Variants in NRG3 observed in about 807,000 individuals in gnomAD.
The protein encoded by NRG3 is pro-neuregulin-3, membrane-bound isoform.
Under a neutral mutation model 66.9 loss-of-function variants are expected in NRG3, and 31 were observed. The ratio of observed to expected loss-of-function variants is 0.46; its 90% CI spans 0.35 to 0.63. NRG3 has a LOEUF of 0.63. Ranked by LOEUF, NRG3 falls within the 20% of genes least tolerant of loss-of-function variation. The pLI, the probability that NRG3 is intolerant of heterozygous loss-of-function variation, is 0.00. For synonymous variants in NRG3, 393 were observed against 359.4 expected (o/e 1.09, Z -1.06); for missense variants, 910 against 878.9 (o/e 1.04, Z -0.45).
chr10:82,434,578 T>A (rs1006153288), intron 2 of NRG3, among the ~76,000 whole-genome samples: 1 of 152,200 alleles, frequency 6.6e-6, no homozygotes, highest in Non-Finnish European at 1.5e-5. Flanking sequence ...ATATTGGCTG[T>A]GGGCTTGTCA....
In NRG3 at chr10:82,930,954, G is replaced by A. The variant is rs75403191; in HGVS notation, c.1055-20515G>A. Among the ~76,000 whole-genome samples the A allele has an allele frequency of 3.2e-3, 494 of 152,254 alleles. 1 individual carries two copies. The highest frequency in any genetic ancestry group is 5.3e-3 in the Non-Finnish European group (362 of 68,036). On this transcript the variant is annotated intron_variant, in intron 4 of 8. Coordinates refer to ENST00000372141, the MANE Select transcript of NRG3 (RefSeq NM_001010848.4). ...GCAGGGAGGCCTTTCCAGGCAGAAGGAACAAAATGTACTGTCATTTGGAAG... is the reference window on the plus strand; with the variant it reads ...GCAGGGAGGCCTTTCCAGGCAGAAGAAACAAAATGTACTGTCATTTGGAAG...
chr10:82,218,732 C>T (rs1214654895), intron 1 of NRG3, among the ~76,000 whole-genome samples: 1 of 152,130 alleles, frequency 6.6e-6, no homozygotes, highest in East Asian at 1.9e-4. Context: ...AGAAAGCCAT[C>T]TCCTAGCTTA....
At chr10:82,039,822 C>T (rs112969180) in intron 1 of NRG3, among the ~76,000 whole-genome samples, 1,972 of 152,226 alleles carry the variant, frequency 0.013, 47 homozygotes, top group African/African-American at 0.045. Context: ...TTCACATGGT[C>T]TCTCCTGACG....
intron 1 of NRG3, among the ~76,000 whole-genome samples, chr10:82,273,844 G>A (rs2078715546): frequency 6.6e-6 from 1 of 151,924 alleles, no homozygotes; most frequent in Non-Finnish European, 1.5e-5. Context: ...GAACTTTGAT[G>A]ATATTCTTTC....
chr10:82,392,073 A>G (rs769442248), intron 2 of NRG3, among the ~76,000 whole-genome samples: 47 of 151,812 alleles, frequency 3.1e-4, no homozygotes, highest in Non-Finnish European at 5.7e-4. Flanking sequence ...TTCCACTCAC[A>G]TTTCAAAGCC....
intron 1 of NRG3, among the ~76,000 whole-genome samples, chr10:82,098,511 T>C (rs571821745): frequency 6.6e-6 from 1 of 152,200 alleles, no homozygotes; most frequent in African/African-American, 2.4e-5. Context: ...CCACATACAA[T>C]CTGTGTTAGA....
At chr10:82,236,237 T>G (rs74146524) in intron 1 of NRG3, among the ~76,000 whole-genome samples, 2,001 of 152,230 alleles carry the variant, frequency 0.013, 43 homozygotes, top group African/African-American at 0.044. Context: ...AGTACTGTAG[T>G]AGGAAGTAAA....
intron 8 of NRG3, among the ~76,000 whole-genome samples, chr10:82,980,134 G>A (rs1446201256): frequency 6.6e-6 from 1 of 152,000 alleles, no homozygotes; most frequent in Non-Finnish European, 1.5e-5. Flanking sequence ...GAGCCTCAGA[G>A]GTGGAGGCTA....
intron 2 of NRG3, among the ~76,000 whole-genome samples, chr10:82,491,165 A>T (rs1843059476): frequency 6.6e-6 from 1 of 151,210 alleles, no homozygotes; most frequent in Admixed American, 6.6e-5. Flanking sequence ...TTTAATAACT[A>T]CCTCATCCTT....
intron 1 of NRG3, among the ~76,000 whole-genome samples, chr10:82,178,430 A>G (rs1435427768): frequency 6.6e-6 from 1 of 152,092 alleles, no homozygotes; most frequent in South Asian, 2.1e-4. Context: ...TTCTGCTTCT[A>G]TGAGTTTGAC....
intron 1 of NRG3, among the ~76,000 whole-genome samples, chr10:82,314,018 A>G (rs1443179080): frequency 6.6e-6 from 1 of 152,226 alleles, no homozygotes; most frequent in African/African-American, 2.4e-5. Flanking sequence ...AACCAGCTAT[A>G]TAGCCTTGGG....
chr10:81,969,554 C>CA (rs947012862), intron 1 of NRG3, among the ~76,000 whole-genome samples: 5 of 152,102 alleles, frequency 3.3e-5, no homozygotes, highest in Non-Finnish European at 7.4e-5. Flanking sequence ...AAATGATACA[C>CA]AAAAAAATCC....
At chr10:82,772,671 G>A (rs1591476870) in intron 3 of NRG3, among the ~76,000 whole-genome samples, 1 of 142,104 alleles carries the variant, frequency 7.0e-6, no homozygotes, top group Non-Finnish European at 1.5e-5. Context: ...TCCTTTTAAA[G>A]TATTACCCAT....
chr10:82,877,421 C>T (rs1321354291), intron 4 of NRG3, among the ~76,000 whole-genome samples: 1 of 145,192 alleles, frequency 6.9e-6, no homozygotes, highest in African/African-American at 2.6e-5. Context: ...CTCTTGTTGC[C>T]CAGGCTGGAG....
At chr10:82,870,345 C>T (rs1841222189) in intron 4 of NRG3, among the ~76,000 whole-genome samples, 1 of 152,210 alleles carries the variant, frequency 6.6e-6, no homozygotes. Context: ...TGAAGGACAT[C>T]TTAGTTGTTT....
intron 2 of NRG3, among the ~76,000 whole-genome samples, chr10:82,425,115 T>C (rs1168233510): frequency 1.3e-5 from 2 of 152,112 alleles, no homozygotes; most frequent in Non-Finnish European, 2.9e-5. Context: ...CAAGATTGTT[T>C]GGTTATTCTG....
intron 1 of NRG3, among the ~76,000 whole-genome samples, chr10:82,106,869 A>C (rs2067099097): frequency 6.6e-6 from 1 of 152,152 alleles, no homozygotes; most frequent in Non-Finnish European, 1.5e-5. Context: ...ACTCTGCTAT[A>C]AGGTATCTTG....
chr10:82,905,969 T>C (rs886171091), intron 4 of NRG3, among the ~76,000 whole-genome samples: 8 of 152,178 alleles, frequency 5.3e-5, no homozygotes, highest in Non-Finnish European at 2.9e-5. Context: ...GCTGTGGCCA[T>C]GTCATATGTC....
intron 1 of NRG3, among the ~76,000 whole-genome samples, chr10:82,010,495 C>G (rs953002538): frequency 6.6e-6 from 1 of 152,156 alleles, no homozygotes; most frequent in South Asian, 2.1e-4. Flanking sequence ...GTGTTGCACC[C>G]TCCCTTTTGT....
Sources: allele counts gnomAD v4.1 joint callset (sites outside exome capture counted in the v4.1 genomes callset), GRCh38; gene constraint gnomAD v4.1.1; transcripts MANE v1.5; gene names NCBI Gene and HGNC (gene_info 2026-07-23, HGNC 2026-07-21).